Variants in ERC2 observed in about 807,000 individuals in gnomAD.
ERC2 encodes ERC protein 2.
A neutral mutation model predicts 114.8 loss-of-function variants in ERC2; 42 were observed. That is an observed-to-expected ratio of 0.37 (90% CI 0.29 to 0.47). ERC2 has a LOEUF of 0.47. Ranked by LOEUF, ERC2 falls within the 20% of genes least tolerant of loss-of-function variation. The pLI, the probability that ERC2 is intolerant of heterozygous loss-of-function variation, is 0.99. For missense variants in ERC2, 939 were observed against 1,150.7 expected, an observed-to-expected ratio of 0.82 and a Z score of 2.66; for synonymous variants, 454 against 425.5, an observed-to-expected ratio of 1.07 and a Z score of -0.82.
chr3:56,032,909 A>C (rs866901799), intron 7 of ERC2, among the ~76,000 whole-genome samples: 100 of 56,836 alleles, frequency 1.8e-3, no homozygotes, highest in Middle Eastern at 0.013. Context: ...GACAGAAAGA[A>C]AGAAAGAAAG....
intron 13 of ERC2, among the ~76,000 whole-genome samples, chr3:55,935,057 A>G (rs1432401838): frequency 1.3e-5 from 2 of 152,198 alleles, no homozygotes; most frequent in African/African-American, 4.8e-5. Flanking sequence ...ATTTTGGGAA[A>G]CAGCTTTGGA....
chr3:56,386,872 G>C (rs1268725976), intron 2 of ERC2, among the ~76,000 whole-genome samples: 3 of 152,140 alleles, frequency 2.0e-5, no homozygotes, highest in Non-Finnish European at 2.9e-5. Flanking sequence ...TAAAATAATA[G>C]GTACAGCAGA....
chr3:55,809,591 A>C (rs1342519340), intron 14 of ERC2, among the ~76,000 whole-genome samples: 1 of 152,172 alleles, frequency 6.6e-6, no homozygotes, highest in East Asian at 1.9e-4. Flanking sequence ...ACCTCCGTAA[A>C]ACAATAAGAA....
intron 17 of ERC2, among the ~76,000 whole-genome samples, chr3:55,662,300 C>T (rs1340253839): frequency 7.9e-5 from 12 of 152,186 alleles, no homozygotes; most frequent in Admixed American, 7.2e-4. Context: ...TTTGTGATAG[C>T]AAAACATGGC....
intron 6 of ERC2, among the ~76,000 whole-genome samples, chr3:56,086,336 G>A (rs2077500723): frequency 6.6e-6 from 1 of 152,072 alleles, no homozygotes; most frequent in Admixed American, 6.6e-5. Flanking sequence ...AACATGGCAG[G>A]AGGGAGCCTG....
chr3:56,170,600 T>TTG lies in ERC2; in HGVS notation c.1149+2845_1149+2846insCA, dbSNP rs1560298829. 1.0e-4 allele frequency among the ~76,000 whole-genome samples: 15 copies of TTG among 143,396 alleles called. 2 individuals are homozygous for TTG. Among genetic ancestry groups the TTG allele is most frequent in the Non-Finnish European group, 1.4e-4 (9 of 65,776 alleles). 94.1% of individuals were successfully genotyped at this position (143,396 alleles called of 152,430 possible). ...AATCTCTTCTGTTTTTTTTTTTTTT[T>TTG]TTTTTTTTTTTTTTGAGGTAGTGTC... On this transcript the variant is annotated intron_variant, in intron 4 of 17. Transcript: ENST00000288221.
chr3:55,997,196 A>G (rs1037920003), intron 10 of ERC2, among the ~76,000 whole-genome samples: 1 of 152,188 alleles, frequency 6.6e-6, no homozygotes, highest in African/African-American at 2.4e-5. Context: ...ATAAAATAAA[A>G]GCAGAATGTT....
At chr3:55,936,682 G>A (rs1408539068) in intron 13 of ERC2, among the ~76,000 whole-genome samples, 2 of 152,214 alleles carry the variant, frequency 1.3e-5, no homozygotes, top group Non-Finnish European at 2.9e-5. Context: ...GGAGACTGGA[G>A]TGCTGGAGCA....
At chr3:55,969,139 G>C (rs1306883688) in intron 12 of ERC2, among the ~76,000 whole-genome samples, 2 of 152,112 alleles carry the variant, frequency 1.3e-5, no homozygotes, top group African/African-American at 4.8e-5. Flanking sequence ...TGAAAGCTAA[G>C]TAGCTGTCTT....
At chr3:56,279,427 A>G (rs1420733057) in intron 3 of ERC2, among the ~76,000 whole-genome samples, 3 of 152,200 alleles carry the variant, frequency 2.0e-5, no homozygotes, top group Non-Finnish European at 4.4e-5. Flanking sequence ...AAGGTAAAAC[A>G]CCTGGGCTGA....
intron 2 of ERC2, among the ~76,000 whole-genome samples, chr3:56,302,851 G>C (rs1007193371): frequency 1.3e-5 from 2 of 152,160 alleles, no homozygotes; most frequent in African/African-American, 4.8e-5. Flanking sequence ...TGCACATCAG[G>C]ACAGAGACCT....
At chr3:55,543,965 G>A (rs960033547) in intron 17 of ERC2, among the ~76,000 whole-genome samples, 1 of 152,154 alleles carries the variant, frequency 6.6e-6, no homozygotes, top group African/African-American at 2.4e-5. Context: ...GTTCAGGGAG[G>A]CCGATTCACA....
At chr3:56,265,357 G>A (rs2053223246) in intron 3 of ERC2, among the ~76,000 whole-genome samples, 1 of 152,160 alleles carries the variant, frequency 6.6e-6, no homozygotes, top group South Asian at 2.1e-4. Flanking sequence ...ATGAGGAAAG[G>A]ACAGTGTCTT....
chr3:56,213,631 C>T (rs1421499862), intron 3 of ERC2, among the ~76,000 whole-genome samples: 1 of 152,222 alleles, frequency 6.6e-6, no homozygotes, highest in Non-Finnish European at 1.5e-5. Context: ...CCTCTGCAGA[C>T]TTAAATGTCC....
chr3:56,319,694 G>A (rs1260665171), intron 2 of ERC2, among the ~76,000 whole-genome samples: 2 of 152,110 alleles, frequency 1.3e-5, no homozygotes, highest in African/African-American at 4.8e-5. Flanking sequence ...ACACAAGCCA[G>A]GTGCCGTAGC....
intron 5 of ERC2, among the ~76,000 whole-genome samples, chr3:56,145,395 T>C (rs1193097115): frequency 6.6e-6 from 1 of 152,106 alleles, no homozygotes; most frequent in Admixed American, 6.5e-5. Flanking sequence ...AGAAAGGAAA[T>C]GCCATTATTC....
At chr3:56,013,760 C>A (rs1375353869) in intron 8 of ERC2, among the ~76,000 whole-genome samples, 1 of 152,150 alleles carries the variant, frequency 6.6e-6, no homozygotes, top group Non-Finnish European at 1.5e-5. Flanking sequence ...CTTCTGACCA[C>A]TTGGATCAGA....
intron 3 of ERC2, among the ~76,000 whole-genome samples, chr3:56,190,186 A>G (rs2083898840): frequency 6.6e-6 from 1 of 152,192 alleles, no homozygotes. Context: ...TTCCTCCTAT[A>G]AAACATGTAA....
At chr3:56,458,564 G>A (rs2063168557) in intron 1 of ERC2, among the ~76,000 whole-genome samples, 1 of 152,142 alleles carries the variant, frequency 6.6e-6, no homozygotes. Context: ...TCACAAGCCT[G>A]ATGAACAGCA....
Sources: gnomAD v4.1 joint callset for allele counts (sites outside exome capture counted in the v4.1 genomes callset) on GRCh38, gnomAD v4.1.1 for gene constraint, MANE v1.5 for transcripts, NCBI Gene and HGNC (gene_info 2026-07-23, HGNC 2026-07-21) for gene names.